The following THEM4 variants were observed in gnomAD, a reference collection of about 807,000 sequenced individuals.
The protein encoded by THEM4 is acyl-coenzyme A thioesterase THEM4.
A neutral mutation model predicts 25.0 loss-of-function variants in THEM4; 22 were observed. The observed-to-expected ratio is 0.88, with a 90% CI of 0.63 to 1.26. The LOEUF is 1.26. Ranked by LOEUF, THEM4 falls within the 50% of genes most tolerant of loss-of-function variation. The pLI, the probability that THEM4 is intolerant of heterozygous loss-of-function variation, is 0.00. For synonymous variants in THEM4, 113 were observed against 105.6 expected (o/e 1.07, Z -0.43); for missense variants, 286 against 300.3 (o/e 0.95, Z 0.35).
chr1:151,894,487 C>T (rs1279724926), intron 2 of THEM4, among the ~76,000 whole-genome samples: 1 of 152,080 alleles, frequency 6.6e-6, no homozygotes. Context: ...TGGGAACTCT[C>T]TGTACTTTAG....
chr1:151,898,381 A>C (rs1029381947), intron 1 of THEM4, among the ~76,000 whole-genome samples: 3 of 151,766 alleles, frequency 2.0e-5, no homozygotes, highest in Admixed American at 6.6e-5. Context: ...TAGGTACACA[A>C]CTCCAGTGAC....
At chr1:151,875,022 T>C (rs1046279586) in intron 5 of THEM4, 94 bp from the exon 6 acceptor site, 1 of 1,017,930 alleles carries the variant, frequency 9.8e-7, no homozygotes, top group Admixed American at 1.8e-5. Flanking sequence ...AAAGAAGGAT[T>C]TGATTCACAT....
chr1:151,885,016 G>C (rs1653934688), intron 4 of THEM4, among the ~76,000 whole-genome samples: 1 of 151,164 alleles, frequency 6.6e-6, no homozygotes, highest in Non-Finnish European at 1.5e-5. Context: ...GTTTTATTAG[G>C]TTCTGTGGCA....
chr1:151,889,436 C>T (rs1654042666), intron 2 of THEM4, 63 bp from the exon 3 acceptor site: 2 of 1,535,490 alleles, frequency 1.3e-6, no homozygotes, highest in Non-Finnish European at 1.8e-6. Flanking sequence ...ATGGCAGAGC[C>T]AAGCACCTGT....
At chr1:151,875,082 A>G (rs1330937421) in intron 5 of THEM4, among the ~76,000 whole-genome samples, 154 bp from the exon 6 acceptor site, 1 of 152,222 alleles carries the variant, frequency 6.6e-6, no homozygotes, top group Non-Finnish European at 1.5e-5. Flanking sequence ...CAAATTAAGA[A>G]TCAGCTTTTG....
At chr1:151,907,059 C>T (rs1285885488) in intron 1 of THEM4, among the ~76,000 whole-genome samples, 1 of 152,176 alleles carries the variant, frequency 6.6e-6, no homozygotes, top group African/African-American at 2.4e-5. Context: ...TTTGGGTCCA[C>T]ACTGCCTTTA....
At chr1:151,899,006 C>G (rs1002034595) in intron 1 of THEM4, among the ~76,000 whole-genome samples, 1 of 152,164 alleles carries the variant, frequency 6.6e-6, no homozygotes, top group African/African-American at 2.4e-5. Context: ...GAAAACCTAC[C>G]CAGGTAATAT....
At chr1:151,879,535 T>A (rs777257598) in intron 4 of THEM4, among the ~76,000 whole-genome samples, 29 of 152,022 alleles carry the variant, frequency 1.9e-4, no homozygotes, top group Non-Finnish European at 3.5e-4. Context: ...TGCAAATGTG[T>A]GCTGGGAAAA....
At chr1:151,901,489 C>A (rs1654351244) in intron 1 of THEM4, among the ~76,000 whole-genome samples, 1 of 152,160 alleles carries the variant, frequency 6.6e-6, no homozygotes, top group Non-Finnish European at 1.5e-5. Context: ...TTATATCAAG[C>A]ACTCTCTCAG....
Position 151,888,285 on chromosome 1 carries a change from A to G in THEM4, c.545T>C (p.Ile182Thr), listed in dbSNP as rs758240404. ...GGIVMTANLN[I>T]NYKRPIPLCS... Reference sequence around the variant, plus strand: ...ACTGTGAATTTACCTTTTATAATTGATGTTGAGATTGGCAGTCATGACGAT... The same window carrying G: ...ACTGTGAATTTACCTTTTATAATTGGTGTTGAGATTGGCAGTCATGACGAT... The change falls in exon 4 of 6, where the codon ATC (isoleucine) becomes ACC (threonine). Residue 182 changes from isoleucine to threonine, a missense_variant. By Grantham distance (89) the Ile-to-Thr change is moderately conservative. Transcript: ENST00000368814. The G allele has an allele frequency of 1.9e-6, 3 of 1,612,282 alleles. No homozygotes were observed. The highest frequency in any genetic ancestry group is 2.2e-5 in the South Asian group (2 of 90,948).
intron 1 of THEM4, among the ~76,000 whole-genome samples, chr1:151,902,101 T>C (rs1023258642): frequency 2.5e-4 from 38 of 152,092 alleles, no homozygotes; most frequent in African/African-American, 8.9e-4. Context: ...CCTGCAAGAA[T>C]TGCCATAATA....
chr1:151,899,300 G>A (rs1654297550), intron 1 of THEM4, among the ~76,000 whole-genome samples: 1 of 152,046 alleles, frequency 6.6e-6, no homozygotes, highest in Non-Finnish European at 1.5e-5. Flanking sequence ...AGACCATCCT[G>A]GCCAACATGG....
At chr1:151,884,088 A>AATAC (rs1420859036) in intron 4 of THEM4, among the ~76,000 whole-genome samples, 1 of 149,086 alleles carries the variant, frequency 6.7e-6, no homozygotes, top group East Asian at 2.0e-4. Context: ...ATAATAAATA[A>AATAC]ATAAATAAAT....
chr1:151,901,774 C>G (rs888747402), intron 1 of THEM4, among the ~76,000 whole-genome samples: 3 of 152,060 alleles, frequency 2.0e-5, no homozygotes, highest in African/African-American at 7.2e-5. Context: ...ACCCAGGAGG[C>G]AGAGGTTGCA....
In THEM4 at chr1:151,874,529, C is replaced by A; in HGVS notation, c.*359G>T. 4.4e-6 allele frequency: 1 copy of A among 229,474 alleles called. No homozygotes were observed. Among genetic ancestry groups the A allele is most frequent in the Non-Finnish European group, 8.6e-6 (1 of 116,852 alleles). The allele number at this position is 229,474 out of a possible 1,614,324, so 14.2% of individuals were successfully genotyped here. A position where few individuals can be genotyped will look rare whatever the true frequency, so the allele number is the denominator to read the frequency against. On this transcript the variant is annotated 3_prime_UTR_variant, in exon 6 of 6. Coordinates refer to ENST00000368814, the MANE Select transcript of THEM4 (RefSeq NM_053055.5). ...AGCTGGGACTACAGGCGTACGCCAC[C>A]ATGCCTGGATAATTTTTTGTATTTT... is the stretch of plus-strand genomic sequence containing the variant.
At chr1:151,899,374 C>T (rs1654299350) in intron 1 of THEM4, among the ~76,000 whole-genome samples, 1 of 151,902 alleles carries the variant, frequency 6.6e-6, no homozygotes, top group African/African-American at 2.4e-5. Flanking sequence ...GCCTGTAGTT[C>T]CAGCTACTCG....
chr1:151,889,378 A>G lies in THEM4; in HGVS notation c.287-5T>C, dbSNP rs773357796. On this transcript the variant is annotated splice_region_variant and splice_polypyrimidine_tract_variant and intron_variant, in intron 2 of 5. Coordinates refer to ENST00000368814, the MANE Select transcript of THEM4 (RefSeq NM_053055.5). ...CTTCTTTCATAAGCTTTGGGTCTATAGAAAATGAGGTGGATGGCAAATGAG... is the reference window on the plus strand; with the variant it reads ...CTTCTTTCATAAGCTTTGGGTCTATGGAAAATGAGGTGGATGGCAAATGAG... 3.7e-6 allele frequency: 6 copies of G among 1,612,048 alleles called. No homozygotes were observed. In the East Asian group the frequency reaches 1.1e-4, roughly 30 times the overall value.
Position 151,906,929 on chromosome 1 carries a change from C to T in THEM4, c.99+2431G>A, listed in dbSNP as rs529309285. Among the ~76,000 whole-genome samples, 8 of 152,220 alleles carry T rather than the reference C, an allele frequency of 5.3e-5. No homozygotes were observed. In the South Asian group the frequency reaches 1.7e-3, roughly 32 times the overall value. On this transcript the variant is annotated intron_variant, in intron 1 of 5. Transcript: ENST00000368814. ...CCAATCAGCAGGATGTGGGTGGGGC[C>T]AGATAAGAGAATAAAAGCAGGCTGC...
intron 2 of THEM4, among the ~76,000 whole-genome samples, chr1:151,893,430 G>C (rs1433944485): frequency 1.4e-5 from 2 of 146,108 alleles, no homozygotes; most frequent in Admixed American, 1.3e-4. Flanking sequence ...AAACAAAAGA[G>C]AGAGAGAGAG....
Sources: gnomAD v4.1 joint callset for allele counts (sites outside exome capture counted in the v4.1 genomes callset) on GRCh38, gnomAD v4.1.1 for gene constraint, MANE v1.5 for transcripts, NCBI Gene and HGNC (gene_info 2026-07-23, HGNC 2026-07-21) for gene names.